The following DNAAF6 variants were observed in gnomAD, a reference collection of about 807,000 sequenced individuals.
DNAAF6 encodes PIH1 domain containing 3.
A neutral mutation model predicts 13.7 loss-of-function variants in DNAAF6; 3 were observed. The ratio of observed to expected loss-of-function variants is 0.22; its 90% confidence interval spans 0.10 to 0.56. DNAAF6 has a LOEUF of 0.56. Ranked by LOEUF, DNAAF6 falls within the 20% of genes least tolerant of loss-of-function variation. The probability of loss-of-function intolerance (pLI) is 0.92; values close to 1 mark genes in which losing one functional copy is unlikely to be tolerated. For missense variants in DNAAF6, 130 were observed against 151.0 expected (o/e 0.86, Z 0.73); for synonymous variants, 54 against 49.2 (o/e 1.10, Z -0.41).
At chrX:107,240,278 C>T (rs948864091) in intron 6 of DNAAF6, among the ~76,000 whole-genome samples, 12 of 111,770 alleles carry the variant, frequency 1.1e-4, no homozygotes, top group African/African-American at 3.2e-4. Context: ...ATATTAAATG[C>T]GCAGTGCAGA....
rs765827471 is a variant in DNAAF6 at position 107,218,927 on chromosome X, G to T, written c.290G>T (p.Gly97Val). 2 of 1,193,056 alleles carry T rather than the reference G, an allele frequency of 1.7e-6. No individual in the cohort carries two copies. Among genetic ancestry groups the T allele is most frequent in the East Asian group, 6.2e-5 (2 of 32,425 alleles). ...DIWNSEEIPE[G>V]AEYDDMWDVR... ...TGGAATTCAGAAGAGATTCCAGAAG[G>T]AGCAGAATATGATGATATGTGGGAT... Residue 97 changes from glycine to valine, a missense_variant, in exon 4 of 7, where the codon GGA (glycine) becomes GTA (valine). Gly to Val is a moderately radical substitution (Grantham distance 109). Coordinates refer to ENST00000372453, the MANE Select transcript of DNAAF6 (RefSeq NM_173494.2).
At chrX:107,226,521 A>G (rs189896406) in intron 5 of DNAAF6, among the ~76,000 whole-genome samples, 116 of 112,007 alleles carry the variant, frequency 1.0e-3, no homozygotes, top group African/African-American at 3.7e-3. Context: ...ATGTAGCAAG[A>G]TACCCTAATT....
intron 1 of DNAAF6, among the ~76,000 whole-genome samples, chrX:107,208,336 G>A (rs758437705): frequency 3.7e-5 from 4 of 109,269 alleles, no homozygotes; most frequent in African/African-American, 1.3e-4. Context: ...GGGAGGCTGA[G>A]GTGGGAAGAT....
At position 107,244,137 on chromosome X, in the gene DNAAF6, T is replaced by G. The variant is rs1286997351; in HGVS notation, c.*839T>G. On this transcript the variant is annotated 3_prime_UTR_variant, in exon 7 of 7. Coordinates refer to ENST00000372453, the MANE Select transcript of DNAAF6 (RefSeq NM_173494.2). ...TGGATATAGTTAGGTTAAAAACATT[T>G]TTTATATGCACTAATAATTATTAGC... 8.9e-6 allele frequency: 1 copy of G among 112,619 alleles called. No individual in the cohort carries two copies. The highest frequency in any genetic ancestry group is 3.2e-5 in the African/African-American group (1 of 30,947). The allele number at this position is 112,619 out of a possible 1,213,427, so 9.3% of individuals were successfully genotyped here. A position where few individuals can be genotyped will look rare whatever the true frequency, so the allele number is the denominator to read the frequency against.
At chrX:107,217,946 A>G (rs1221349417) in intron 3 of DNAAF6, among the ~76,000 whole-genome samples, 2 of 112,560 alleles carry the variant, frequency 1.8e-5, no homozygotes, top group Non-Finnish European at 3.8e-5. Flanking sequence ...TAGGTCTAAT[A>G]ATCTTTAAAT....
chrX:107,239,558 C>G (rs1928586016), intron 6 of DNAAF6, among the ~76,000 whole-genome samples: 1 of 111,443 alleles, frequency 9.0e-6, no homozygotes, highest in African/African-American at 3.3e-5. Context: ...ACATTTCAAA[C>G]TGGATTTGGG....
chrX:107,238,891 T>C (rs780925185), intron 5 of DNAAF6, 31 bp from the exon 6 acceptor site: 20 of 1,202,218 alleles, frequency 1.7e-5, no homozygotes, highest in Non-Finnish European at 4.5e-6. Context: ...CTCCAAGATA[T>C]CACTATTTTT....
intron 3 of DNAAF6, among the ~76,000 whole-genome samples, chrX:107,217,441 T>C (rs1163600548): frequency 9.0e-6 from 1 of 111,472 alleles, no homozygotes. Flanking sequence ...ACAGAAAAAG[T>C]CCCTGTTCTG....
chrX:107,213,491 G>A (rs1402298470), intron 2 of DNAAF6, among the ~76,000 whole-genome samples: 1 of 111,688 alleles, frequency 9.0e-6, no homozygotes, highest in Admixed American at 9.5e-5. Flanking sequence ...CAAATAATAG[G>A]GCAAACTAGT....
chrX:107,208,248 A>G (rs937531743), intron 1 of DNAAF6, among the ~76,000 whole-genome samples: 1 of 110,389 alleles, frequency 9.1e-6, no homozygotes, highest in East Asian at 2.9e-4. Flanking sequence ...AACAAAAATT[A>G]GCCGGCGAAA....
chrX:107,234,968 C>T (rs958129154), intron 5 of DNAAF6, among the ~76,000 whole-genome samples: 4 of 111,745 alleles, frequency 3.6e-5, no homozygotes, highest in African/African-American at 1.3e-4. Context: ...CATAAGAACA[C>T]GACAGGAAAG....
intron 2 of DNAAF6, among the ~76,000 whole-genome samples, chrX:107,214,010 G>C (rs1325923957): frequency 9.0e-6 from 1 of 111,575 alleles, no homozygotes; most frequent in Non-Finnish European, 1.9e-5. Context: ...GATTGACACT[G>C]AACTGAGCTA....
intron 1 of DNAAF6, among the ~76,000 whole-genome samples, chrX:107,212,565 C>A (rs1254434999): frequency 1.8e-5 from 2 of 111,475 alleles, no homozygotes; most frequent in Admixed American, 9.5e-5. Flanking sequence ...CATTTTAAAC[C>A]AACTCCCCCA....
intron 4 of DNAAF6, among the ~76,000 whole-genome samples, chrX:107,221,402 A>G (rs1409860055): frequency 9.2e-6 from 1 of 109,059 alleles, no homozygotes; most frequent in Non-Finnish European, 1.9e-5. Flanking sequence ...CTACAGGTGC[A>G]CACTTTATTT....
chrX:107,240,089 T>G lies in DNAAF6; in HGVS notation c.515+1082T>G, dbSNP rs745739468. Among the ~76,000 whole-genome samples, 8 of 112,146 alleles carry G rather than the reference T, an allele frequency of 7.1e-5. No individual in the cohort carries two copies. In the East Asian group the frequency reaches 2.2e-3, roughly 31 times the overall value. ...TTCATTTAGTGGATTCTGATGGATA[T>G]CTGTAATGACGGCACAGCCATAGCA... On this transcript the variant is annotated intron_variant, in intron 6 of 6. Coordinates refer to ENST00000372453, the MANE Select transcript of DNAAF6 (RefSeq NM_173494.2).
chrX:107,240,289 G>C (rs1602692325), intron 6 of DNAAF6, among the ~76,000 whole-genome samples: 1 of 112,003 alleles, frequency 8.9e-6, no homozygotes, highest in South Asian at 3.7e-4. Context: ...GCAGTGCAGA[G>C]AGGTACCATC....
At chrX:107,242,793 C>T (rs188611043) in intron 6 of DNAAF6, among the ~76,000 whole-genome samples, 1 of 112,120 alleles carries the variant, frequency 8.9e-6, no homozygotes, top group East Asian at 2.8e-4. Flanking sequence ...TAGAGCCATT[C>T]CAATTTTCAA....
intron 1 of DNAAF6, among the ~76,000 whole-genome samples, chrX:107,211,915 C>A (rs1927865491): frequency 9.0e-6 from 1 of 111,584 alleles, no homozygotes. Flanking sequence ...AAAGAAAAAT[C>A]CCAAAATATT....
chrX:107,222,620 G>A (rs1484789945), intron 4 of DNAAF6, 125 bp from the exon 5 acceptor site: 7 of 850,568 alleles, frequency 8.2e-6, no homozygotes, highest in Non-Finnish European at 1.1e-5. Flanking sequence ...AGACCTGCAA[G>A]CACTTTATTT....
Sources: allele counts gnomAD v4.1 joint callset (sites outside exome capture counted in the v4.1 genomes callset), GRCh38; gene constraint gnomAD v4.1.1; transcripts MANE v1.5; gene names NCBI Gene and HGNC (gene_info 2026-07-23, HGNC 2026-07-21).